Variants in SLC6A2 observed in about 807,000 individuals in gnomAD.
SLC6A2 encodes the protein solute carrier family 6 member 2, also known as sodium-dependent noradrenaline transporter.
Under a neutral mutation model 71.7 loss-of-function variants are expected in SLC6A2, and 26 were observed. That is an observed-to-expected ratio of 0.36 (90% CI 0.27 to 0.50). The LOEUF is 0.50. Ranked by LOEUF, SLC6A2 falls within the 20% of genes least tolerant of loss-of-function variation. The pLI is 0.96. For synonymous variants in SLC6A2, 363 were observed against 337.9 expected, an observed-to-expected ratio of 1.07 and a Z score of -0.82; for missense variants, 581 against 803.9, an observed-to-expected ratio of 0.72 and a Z score of 3.35.
chr16:55,672,672 C>T (rs1243641561), intron 4 of SLC6A2, among the ~76,000 whole-genome samples: 1 of 152,106 alleles, frequency 6.6e-6, no homozygotes, highest in Non-Finnish European at 1.5e-5. Flanking sequence ...TTGATTTGAC[C>T]CTGAAGCTGT....
chr16:55,703,213 C>T lies in SLC6A2; in HGVS notation c.*867C>T, dbSNP rs1344646975. 2.0e-6 allele frequency: 2 copies of T among 985,290 alleles called. No individual in the cohort carries two copies. Among genetic ancestry groups the T allele is most frequent in the Middle Eastern group, 5.2e-4 (1 of 1,936 alleles). 61.0% of individuals were successfully genotyped at this position (985,290 alleles called of 1,614,324 possible). A position where few individuals can be genotyped will look rare whatever the true frequency, so the allele number is the denominator to read the frequency against. On this transcript the variant is annotated 3_prime_UTR_variant, in exon 15 of 15. Transcript: ENST00000568943. ...AGAAACCCATCTGCACTTCCTGAGA[C>T]CTGCCTGGGGAAACGGGGGCAGGGA...
chr16:55,700,340 G>A, intron 13 of SLC6A2, 34 bp downstream of exon 13: 1 of 1,590,484 alleles, frequency 6.3e-7, no homozygotes, highest in Non-Finnish European at 8.6e-7. Flanking sequence ...GAACAGGGTG[G>A]GAGGGGGCTG....
chr16:55,695,481 C>T (rs1965768145), intron 8 of SLC6A2, 79 bp downstream of exon 8: 2 of 1,505,308 alleles, frequency 1.3e-6, no homozygotes, highest in Admixed American at 1.7e-5. Flanking sequence ...CTGCATGGCT[C>T]TTCCGTGGCT....
chr16:55,702,025 C>T, intron 14 of SLC6A2, 91 bp downstream of exon 14: 1 of 1,000,394 alleles, frequency 1.0e-6, no homozygotes, highest in Non-Finnish European at 1.6e-6. Context: ...GACATCACAT[C>T]CAGAAAACCC....
rs549230440 is a variant in SLC6A2, at chr16:55,680,662, A to G, written c.645-4481A>G. 2.6e-5 allele frequency among the ~76,000 whole-genome samples: 4 copies of G among 152,250 alleles called. No homozygotes were observed. In the East Asian group the frequency reaches 7.7e-4, roughly 29 times the overall value. ...ATCTCCTTTGGCAACACACTCCCAG[A>G]CACACCCAGGAACAGTACTTTGCAT... On this transcript the variant is annotated intron_variant, in intron 4 of 14. Coordinates refer to ENST00000568943, the MANE Select transcript of SLC6A2 (RefSeq NM_001172501.3).
chr16:55,662,973 G>A (rs1311588078), intron 2 of SLC6A2, among the ~76,000 whole-genome samples: 1 of 152,184 alleles, frequency 6.6e-6, no homozygotes, highest in Non-Finnish European at 1.5e-5. Flanking sequence ...TTCTGGTGCT[G>A]TCTACCTGGA....
chr16:55,700,591 T>C (rs1334602113), intron 13 of SLC6A2, among the ~76,000 whole-genome samples: 1 of 152,192 alleles, frequency 6.6e-6, no homozygotes, highest in Non-Finnish European at 1.5e-5. Context: ...AGCTCAGCCC[T>C]GGAGTTCACT....
intron 3 of SLC6A2, 29 bp from the exon 4 acceptor site, chr16:55,671,909 C>G (rs201384450): frequency 5.3e-5 from 86 of 1,613,666 alleles, no homozygotes; most frequent in Non-Finnish European, 4.2e-6. Context: ...GCCTGGGAGA[C>G]TCCTACCTTA....
intron 5 of SLC6A2, among the ~76,000 whole-genome samples, chr16:55,687,934 A>T (rs868540575): frequency 6.6e-6 from 1 of 152,220 alleles, no homozygotes; most frequent in Admixed American, 6.5e-5. Context: ...AGAGTGTTAC[A>T]CTAGGAAAGC....
At chr16:55,683,652 CAAAAG>C (rs1383914570) in intron 4 of SLC6A2, among the ~76,000 whole-genome samples, 4 of 151,572 alleles carry the variant, frequency 2.6e-5, no homozygotes, top group African/African-American at 4.8e-5. Context: ...CAAAACAAAA[CAAAAG>C]AAAAAAAACC....
chr16:55,665,998 G>T, intron 2 of SLC6A2, among the ~76,000 whole-genome samples: 1 of 152,232 alleles, frequency 6.6e-6, no homozygotes, highest in East Asian at 1.9e-4. Context: ...AAAAGTGTGT[G>T]TCCATTTTGC....
In SLC6A2 at chr16:55,678,537, TC is replaced by T. The variant is rs766231723; in HGVS notation, c.644+6366del. Among the ~76,000 whole-genome samples the T allele has an allele frequency of 6.6e-5, 10 of 152,096 alleles. No homozygotes were observed. The East Asian group carries it at 7.7e-4, about 12-fold the overall frequency. On this transcript the variant is annotated intron_variant, in intron 4 of 14. Coordinates refer to ENST00000568943, the MANE Select transcript of SLC6A2 (RefSeq NM_001172501.3). ...ATTCAAGGGAACAAAACTGCTATTC[TC>T]CCCAGGCTCCAGGCCTGAAGCCAAG...
At position 55,697,989 on chromosome 16, in the gene SLC6A2, C is replaced by A; in HGVS notation, c.1353C>A (p.Phe451Leu). ...AACTCTTCACATTTGGCGTCACCTT[C>A]AGCACTTTCCTTCTCGCCCTGTTCT... The part of the protein sequence containing the change: ...HRKLFTFGVT[F>L]STFLLALFCI... The change falls in exon 10 of 15, where the codon TTC becomes TTA. Residue 451 changes from phenylalanine (F) to leucine (L), a missense_variant. Physicochemically the swap from Phe to Leu is conservative, Grantham distance 22 (BLOSUM62 0). Coordinates refer to ENST00000568943, the MANE Select transcript of SLC6A2 (RefSeq NM_001172501.3). 3 of 1,614,214 alleles carry A rather than the reference C, an allele frequency of 1.9e-6. No individual in the cohort carries two copies. The highest frequency in any genetic ancestry group is 1.7e-6 in the Non-Finnish European group (2 of 1,180,034).
intron 7 of SLC6A2, 63 bp downstream of exon 7, chr16:55,694,176 C>T (rs1965723550): frequency 4.4e-6 from 5 of 1,141,890 alleles, no homozygotes; most frequent in Non-Finnish European, 6.7e-6. Flanking sequence ...TGTTGGGTGG[C>T]AGAGAGGGCT....
At chr16:55,660,113 G>A (rs1311313387) in intron 2 of SLC6A2, among the ~76,000 whole-genome samples, 4 of 152,198 alleles carry the variant, frequency 2.6e-5, no homozygotes, top group African/African-American at 9.7e-5. Flanking sequence ...TGTGGTTGAA[G>A]CTCAGCTGCT....
Position 55,656,436 on chromosome 16 carries a change from G to A in SLC6A2, c.-51-208G>A, listed in dbSNP as rs949137118. The A allele has an allele frequency of 3.0e-5, 17 of 571,236 alleles. No individual in the cohort carries two copies. Among genetic ancestry groups the A allele is most frequent in the African/African-American group, 2.3e-4 (12 of 53,176 alleles). The allele number at this position is 571,236 out of a possible 1,614,324, so 35.4% of individuals were successfully genotyped here. ...GCAGGGTCTTCAGCCGCCCCCAGAG[G>A]GCTGTCAGAAGTCTCCAACTCTTGA... On this transcript the variant is annotated intron_variant, in intron 1 of 14. Transcript: ENST00000568943. The surrounding 1 kb of genome is among the most constrained non-coding windows in gnomAD (Gnocchi z 4.5).
At chr16:55,702,300 G>C (rs771959668) in intron 14 of SLC6A2, 23 bp from the exon 15 acceptor site, 11 of 1,613,830 alleles carry the variant, frequency 6.8e-6, no homozygotes, top group Admixed American at 6.7e-5. Flanking sequence ...ATGTCATCAA[G>C]TCCTCGCTGT....
intron 4 of SLC6A2, among the ~76,000 whole-genome samples, chr16:55,675,832 T>C (rs1363134953): frequency 6.6e-6 from 1 of 152,120 alleles, no homozygotes; most frequent in African/African-American, 2.4e-5. Flanking sequence ...TCTCCTTCAG[T>C]CCTATGGATT....
At chr16:55,695,773 T>C (rs1207511303) in intron 8 of SLC6A2, among the ~76,000 whole-genome samples, 2 of 152,200 alleles carry the variant, frequency 1.3e-5, no homozygotes, top group Non-Finnish European at 2.9e-5. Flanking sequence ...AAATACATTG[T>C]CTGGCGTCAC....
Sources: allele counts gnomAD v4.1 joint callset (sites outside exome capture counted in the v4.1 genomes callset), GRCh38; gene constraint gnomAD v4.1.1; non-coding constraint Gnocchi (gnomAD v3.1); transcripts MANE v1.5; gene names NCBI Gene and HGNC (gene_info 2026-07-23, HGNC 2026-07-21).